RAPGEF3: variants seen among roughly 807,000 people sequenced by gnomAD.
RAPGEF3 encodes 9330170P05Rik.
In RAPGEF3, 103 loss-of-function variants were observed where a neutral mutation model predicts 129.8. The ratio of observed to expected loss-of-function variants is 0.79; its 90% CI spans 0.68 to 0.93. RAPGEF3 has a LOEUF of 0.93. RAPGEF3 is among the 40% of genes least tolerant of loss of function. The pLI, the probability that RAPGEF3 is intolerant of heterozygous loss-of-function variation, is 0.00. For synonymous variants in RAPGEF3, 436 were observed against 482.6 expected, an observed-to-expected ratio of 0.90 and a Z score of 1.26; for missense variants, 1,117 against 1,207.4, an observed-to-expected ratio of 0.93 and a Z score of 1.11.
chr12:47,749,171 T>G lies in RAPGEF3; in HGVS notation c.1041+219A>C, dbSNP rs1941599273. 1.7e-6 allele frequency: 1 copy of G among 579,464 alleles called. No individual in the cohort carries two copies. Among genetic ancestry groups the G allele is most frequent in the Non-Finnish European group, 3.0e-6 (1 of 328,664 alleles). The allele number at this position is 579,464 out of a possible 1,614,324, so 35.9% of individuals were successfully genotyped here. A position where few individuals can be genotyped will look rare whatever the true frequency, so the allele number is the denominator to read the frequency against. ...CCATCCTTCCCCTGGTCTCCCACAC[T>G]GAGCCTGAAGTCACTGGTCTCACTG... On this transcript the variant is annotated intron_variant, in intron 10 of 27. Transcript: ENST00000449771. This position sits in a 1 kb window ranked among gnomAD's most constrained non-coding sequence, Gnocchi z 4.5.
At chr12:47,746,229 G>GT (rs1232790237) in intron 16 of RAPGEF3, 3 of 204,580 alleles carry the variant, frequency 1.5e-5, no homozygotes, top group African/African-American at 7.2e-5. Context: ...GAAGAAGCCA[G>GT]TAAGAGTCTC....
At position 47,746,907 on chromosome 12, in the gene RAPGEF3, C is replaced by G. The variant is rs377624308; in HGVS notation, c.1557-8G>C. The G allele has an allele frequency of 1.4e-4, 225 of 1,604,076 alleles. 1 individual carries two copies. The African/African-American group carries it at 2.8e-3, about 20-fold the overall frequency. On this transcript the variant is annotated splice_polypyrimidine_tract_variant and splice_region_variant and intron_variant, in intron 15 of 27. Transcript: ENST00000449771. ...CCACAGCCATTCTCCAACCTGCAGA[C>G]AAGAGAGAAGGGAGGTGAGTGAGCC...
At position 47,749,034 on chromosome 12, in the gene RAPGEF3, C is replaced by T. The variant is rs1199125811; in HGVS notation, c.1042-103G>A. 1 of 956,004 alleles carries T rather than the reference C, an allele frequency of 1.0e-6. No homozygotes were observed. The highest frequency in any genetic ancestry group is 1.6e-6 in the Non-Finnish European group (1 of 612,020). 59.2% of individuals were successfully genotyped at this position (956,004 alleles called of 1,614,324 possible). A position where few individuals can be genotyped will look rare whatever the true frequency, so the allele number is the denominator to read the frequency against. On this transcript the variant is annotated intron_variant, in intron 10 of 27. Coordinates refer to ENST00000449771, the MANE Select transcript of RAPGEF3 (RefSeq NM_001098531.4). This position sits in a 1 kb window ranked among gnomAD's most constrained non-coding sequence, Gnocchi z 4.5. ...GCCCCTGAGCCCCATGAGGGTCCCA[C>T]AGGGACCCACAGCCCTTCTCCCACC...
rs1218171589 is a variant in RAPGEF3, at chr12:47,753,429, C to T, written c.220-1460G>A. Reference sequence around the variant, plus strand: ...ACCTGCTGGGGAGTTGCAGTACAACCAGTCCTGGTGCTGGCAGGGCCCTGG... The same window carrying T: ...ACCTGCTGGGGAGTTGCAGTACAACTAGTCCTGGTGCTGGCAGGGCCCTGG... On this transcript the variant is annotated intron_variant, in intron 2 of 27. Transcript: ENST00000449771. Among the ~76,000 whole-genome samples, 3 of 152,334 alleles carry T rather than the reference C, an allele frequency of 2.0e-5. No homozygotes were observed. The South Asian group carries it at 6.2e-4, about 32-fold the overall frequency.
chr12:47,751,734 A>T lies in RAPGEF3; in HGVS notation c.369T>A (p.Leu123=), dbSNP rs1317738069. The change falls in exon 4 of 28, where the codon CTT becomes CTA. Residue 123 remains leucine (L), a synonymous_variant. Coordinates refer to ENST00000449771, the MANE Select transcript of RAPGEF3 (RefSeq NM_001098531.4). ...GGGCCTCCACTCACCGATAGAGCCT[A>T]AGGTGGTACTTCCGGTCTCGGATGA... ...PNLIRDRKYH[L]RLYRQCCSGR... The T allele has an allele frequency of 3.1e-6, 5 of 1,613,166 alleles. No individual in the cohort carries two copies. Among genetic ancestry groups the T allele is most frequent in the East Asian group, 2.2e-5 (1 of 44,866 alleles).
In RAPGEF3 at chr12:47,749,371, C is replaced by A; in HGVS notation, c.1041+19G>T. ...TCTGGACGAATGGCCCCTGCCCTCC[C>A]CAACCCCAGCAGCAGCACCTTGATG... On this transcript the variant is annotated intron_variant, in intron 10 of 27. Coordinates refer to ENST00000449771, the MANE Select transcript of RAPGEF3 (RefSeq NM_001098531.4). This position sits in a 1 kb window ranked among gnomAD's most constrained non-coding sequence, Gnocchi z 4.5. The A allele has an allele frequency of 1.9e-6, 3 of 1,610,646 alleles. No individual in the cohort carries two copies. Among genetic ancestry groups the A allele is most frequent in the Non-Finnish European group, 2.5e-6 (3 of 1,179,984 alleles).
chr12:47,737,312 A>G lies in RAPGEF3; in HGVS notation c.*255T>C. The stretch of plus-strand genomic sequence containing the variant: ...TCCCAGCGCACTCCACTCTCCACCC[A>G]CTCCTGGGGCCTCTCTGTCCTCCCT... On this transcript the variant is annotated 3_prime_UTR_variant, in exon 28 of 28. Coordinates refer to ENST00000449771, the MANE Select transcript of RAPGEF3 (RefSeq NM_001098531.4). 3.9e-6 allele frequency: 2 copies of G among 514,076 alleles called. No individual in the cohort carries two copies. The highest frequency in any genetic ancestry group is 7.0e-6 in the Non-Finnish European group (2 of 284,524). 31.8% of individuals were successfully genotyped at this position (514,076 alleles called of 1,614,324 possible). A position where few individuals can be genotyped will look rare whatever the true frequency, so the allele number is the denominator to read the frequency against.
chr12:47,740,568 A>G, intron 21 of RAPGEF3, 74 bp downstream of exon 21: 1 of 1,563,564 alleles, frequency 6.4e-7, no homozygotes, highest in Non-Finnish European at 8.7e-7. Flanking sequence ...CAACATACTA[A>G]GCAAAGAGGG....
rs1333736181 is a variant in RAPGEF3, at chr12:47,750,273, A to T, written c.756+68T>A. 3.4e-6 allele frequency: 5 copies of T among 1,467,816 alleles called. No individual in the cohort carries two copies. The African/African-American group carries it at 4.2e-5, about 12-fold the overall frequency. 90.9% of individuals were successfully genotyped at this position (1,467,816 alleles called of 1,614,324 possible). On this transcript the variant is annotated intron_variant, in intron 7 of 27. Transcript: ENST00000449771. ...AAATGCCCTCTGGCCCAGCAGTTGG[A>T]GTTTCAGGGAAGTCACAGGAAGAGA...
chr12:47,742,934 G>A (rs1179663425), intron 18 of RAPGEF3, among the ~76,000 whole-genome samples: 1 of 152,182 alleles, frequency 6.6e-6, no homozygotes, highest in Non-Finnish European at 1.5e-5. Context: ...AATGTTTGCT[G>A]AGTGACTAAA....
At chr12:47,737,969 G>C (rs1268937303) in intron 27 of RAPGEF3, 53 bp downstream of exon 27, 1 of 1,553,324 alleles carries the variant, frequency 6.4e-7, no homozygotes, top group Non-Finnish European at 8.9e-7. Flanking sequence ...CCAGCCATGG[G>C]TAACTACCAT....
rs1941664023 is a variant in RAPGEF3 at position 47,750,217 on chromosome 12, T to C, written c.756+124A>G. On this transcript the variant is annotated intron_variant, in intron 7 of 27. Coordinates refer to ENST00000449771, the MANE Select transcript of RAPGEF3 (RefSeq NM_001098531.4). ...CAGCGCCGGGGGCAAGAAATCAGAC[T>C]GAAAATTTCCAGCCATAGATGGAAG... is the stretch of plus-strand genomic sequence containing the variant. The C allele has an allele frequency of 9.2e-6, 11 of 1,195,108 alleles. No individual in the cohort carries two copies. In the Admixed American group the frequency reaches 1.8e-4, roughly 20 times the overall value. The allele number at this position is 1,195,108 out of a possible 1,614,324, so 74.0% of individuals were successfully genotyped here.
At position 47,743,562 on chromosome 12, in the gene RAPGEF3, C is replaced by G. The variant is rs767307384; in HGVS notation, c.1793G>C (p.Gly598Ala). Residue 598 changes from glycine (G) to alanine (A), a missense_variant, in exon 18 of 28, where the codon GGG becomes GCG. Around this residue, in one of 3 missense-constraint regions of RAPGEF3, gnomAD observed 643 missense variants for 673.4 expected, o/e 0.95. Coordinates refer to ENST00000449771, the MANE Select transcript of RAPGEF3 (RefSeq NM_001098531.4). ...AGAATTGACCTTCACCAGCACCTGCCCCTTGGTCCAGCCATCCTCCTGGGC... is the reference window on the plus strand; with the variant it reads ...AGAATTGACCTTCACCAGCACCTGCGCCTTGGTCCAGCCATCCTCCTGGGC... ...ALAQEDGWTK[G>A]QVLVKVNSAG... 6 of 1,614,162 alleles carry G rather than the reference C, an allele frequency of 3.7e-6. No homozygotes were observed. The highest frequency in any genetic ancestry group is 5.1e-6 in the Non-Finnish European group (6 of 1,180,002).
At position 47,746,855 on chromosome 12, in the gene RAPGEF3, G is replaced by A; in HGVS notation, c.1596+5C>T. 1 of 1,592,338 alleles carries A rather than the reference G, an allele frequency of 6.3e-7. No homozygotes were observed. The highest frequency in any genetic ancestry group is 1.4e-5 in the African/African-American group (1 of 73,606). The stretch of plus-strand genomic sequence containing the variant: ...AGAGGAAAGAAACTGGGGCCAGGCA[G>A]ACACCTTCATCTGAGGAGATGCATT... On this transcript the variant is annotated splice_donor_5th_base_variant and intron_variant, in intron 16 of 27. Coordinates refer to ENST00000449771, the MANE Select transcript of RAPGEF3 (RefSeq NM_001098531.4).
At chr12:47,740,118 G>C (rs542776963) in intron 23 of RAPGEF3, 23 bp downstream of exon 23, 42 of 1,609,384 alleles carry the variant, frequency 2.6e-5, no homozygotes, top group Admixed American at 1.0e-4. Flanking sequence ...GCAGAGCCAG[G>C]CCGGGCAGGG....
At chr12:47,747,182 C>T (rs996199028) in intron 15 of RAPGEF3, among the ~76,000 whole-genome samples, 2 of 152,192 alleles carry the variant, frequency 1.3e-5, no homozygotes, top group African/African-American at 4.8e-5. Context: ...CCCCCTGAAT[C>T]TCAGCTGCTC....
intron 16 of RAPGEF3, chr12:47,745,476 C>A (rs1404244324): frequency 2.0e-5 from 3 of 152,684 alleles, no homozygotes; most frequent in Non-Finnish European, 4.4e-5. Context: ...TGGGGTCCTA[C>A]TCTTACTCTC....
chr12:47,737,655 G>A lies in RAPGEF3; in HGVS notation c.2684C>T (p.Pro895Leu), dbSNP rs762005400. The change falls in exon 28 of 28, where the codon CCA becomes CTA. Residue 895 changes from proline (P) to leucine (L), a missense_variant. Physicochemically the swap from Pro to Leu is moderately conservative, Grantham distance 98 (BLOSUM62 -3). Coordinates refer to ENST00000449771, the MANE Select transcript of RAPGEF3 (RefSeq NM_001098531.4). ...CSEQSLSTRS[P>L]ASTWAYVQQL... is the part of the protein sequence containing the mutation. ...CTGGACATAAGCCCAGGTGCTGGCTGGACTCCGGGTGCTCAGGGACTGCTC... is the reference window on the plus strand; with the variant it reads ...CTGGACATAAGCCCAGGTGCTGGCTAGACTCCGGGTGCTCAGGGACTGCTC... The A allele has an allele frequency of 9.6e-5, 155 of 1,613,112 alleles. 1 individual carries two copies. The highest frequency in any genetic ancestry group is 1.1e-4 in the Non-Finnish European group (126 of 1,179,924).
rs1362675463 is a variant in RAPGEF3, at chr12:47,751,421, C to T, written c.480G>A (p.Leu160=). 4 of 1,614,154 alleles carry T rather than the reference C, an allele frequency of 2.5e-6. No homozygotes were observed. The highest frequency in any genetic ancestry group is 3.4e-6 in the Non-Finnish European group (4 of 1,180,014). The change falls in exon 5 of 28, where the codon CTG becomes CTA. Residue 160 remains leucine (L), a synonymous_variant. Coordinates refer to ENST00000449771, the MANE Select transcript of RAPGEF3 (RefSeq NM_001098531.4). ...SQVVGICQVL[L]DEGALCHVKH... The stretch of plus-strand genomic sequence containing the variant: ...CACCATGGCAGAGGGCACCTTCATC[C>T]AGCAGCACCTGGCAGATTCCCACAA...
Sources: allele counts gnomAD v4.1 joint callset (sites outside exome capture counted in the v4.1 genomes callset), GRCh38; gene constraint gnomAD v4.1.1; regional missense constraint gnomAD v4.1.1; non-coding constraint Gnocchi (gnomAD v3.1); transcripts MANE v1.5; gene names NCBI Gene and HGNC (gene_info 2026-07-23, HGNC 2026-07-21).